The following MTRES1 variants were observed in gnomAD, a reference collection of about 807,000 sequenced individuals.
The protein encoded by MTRES1 is mitochondrial transcription rescue factor 1.
MTRES1 carries 11 observed loss-of-function variants against 17.4 expected under a neutral mutation model. The ratio of observed to expected loss-of-function variants is 0.63; its 90% CI spans 0.40 to 1.05. The LOEUF is 1.05. MTRES1 is among the 50% of genes least tolerant of loss of function. MTRES1 has a pLI of 0.00. For synonymous variants in MTRES1, 94 were observed against 99.6 expected (o/e 0.94, Z 0.34); for missense variants, 268 against 276.2 (o/e 0.97, Z 0.21).
chr6:107,033,313 A>T (rs1296549983), intron 1 of MTRES1, among the ~76,000 whole-genome samples: 1 of 151,858 alleles, frequency 6.6e-6, no homozygotes, highest in African/African-American at 2.4e-5. Context: ...TTGGTAGAGG[A>T]GGATGTGACT....
intron 1 of MTRES1, among the ~76,000 whole-genome samples, chr6:107,031,395 A>AG (rs1214654740): frequency 5.4e-5 from 8 of 148,118 alleles, no homozygotes; most frequent in African/African-American, 1.2e-4. Flanking sequence ...CAAAAAAAAA[A>AG]AAAAGAAAAA....
intron 1 of MTRES1, among the ~76,000 whole-genome samples, chr6:107,039,421 G>C (rs533460506): frequency 6.6e-6 from 1 of 152,062 alleles, no homozygotes; most frequent in Non-Finnish European, 1.5e-5. Context: ...CTGGGTTCAA[G>C]TGATTCTCCT....
intron 1 of MTRES1, 99 bp from the exon 2 acceptor site, chr6:107,039,650 A>G: frequency 7.8e-7 from 1 of 1,277,284 alleles, no homozygotes; most frequent in Non-Finnish European, 1.1e-6. Context: ...GAATACGTAT[A>G]GTACTGTACA....
chr6:107,047,840 C>T (rs1774442235), intron 3 of MTRES1, among the ~76,000 whole-genome samples: 1 of 151,848 alleles, frequency 6.6e-6, no homozygotes, highest in Admixed American at 6.6e-5. Context: ...GAGCCAAGAT[C>T]GCGCCATTGC....
chr6:107,043,797 G>A (rs1177728732), intron 2 of MTRES1, among the ~76,000 whole-genome samples: 1 of 152,104 alleles, frequency 6.6e-6, no homozygotes, highest in Non-Finnish European at 1.5e-5. Context: ...ATTGTTTTGA[G>A]TATATTTCTA....
chr6:107,048,334 C>T (rs1554228670), intron 3 of MTRES1, among the ~76,000 whole-genome samples: 1 of 151,858 alleles, frequency 6.6e-6, no homozygotes, highest in African/African-American at 2.4e-5. Context: ...GGGGTTTCGC[C>T]ATGTTGGCCA....
chr6:107,037,106 T>C (rs1554227030), intron 1 of MTRES1, among the ~76,000 whole-genome samples: 1 of 151,982 alleles, frequency 6.6e-6, no homozygotes. Flanking sequence ...AAAGTTTTTT[T>C]AATTGTACTA....
chr6:107,036,245 TAAA>T (rs1238016696), intron 1 of MTRES1, among the ~76,000 whole-genome samples: 5 of 152,064 alleles, frequency 3.3e-5, no homozygotes, highest in Admixed American at 1.3e-4. Flanking sequence ...TTATTCATCT[TAAA>T]GAAGTTTAAT....
chr6:107,030,684 A>C (rs1182897441), intron 1 of MTRES1, among the ~76,000 whole-genome samples: 1 of 152,176 alleles, frequency 6.6e-6, no homozygotes, highest in Non-Finnish European at 1.5e-5. Flanking sequence ...CGCCGCCCAG[A>C]AAAAAAGCAG....
At chr6:107,039,092 G>C (rs1774100419) in intron 1 of MTRES1, among the ~76,000 whole-genome samples, 1 of 152,022 alleles carries the variant, frequency 6.6e-6, no homozygotes, top group Non-Finnish European at 1.5e-5. Flanking sequence ...AAACATAATT[G>C]AGAACTATTG....
At chr6:107,048,369 G>A (rs59441900) in intron 3 of MTRES1, among the ~76,000 whole-genome samples, 5 of 151,738 alleles carry the variant, frequency 3.3e-5, no homozygotes, top group Non-Finnish European at 4.4e-5. Flanking sequence ...TCCTGACCTC[G>A]TGATCCACCC....
chr6:107,046,958 G>GTATT (rs1774414795), intron 3 of MTRES1, among the ~76,000 whole-genome samples: 1 of 148,694 alleles, frequency 6.7e-6, no homozygotes, highest in Admixed American at 6.7e-5. Flanking sequence ...GTGTGTGTGT[G>GTATT]TGTGTGTGTG....
At chr6:107,029,459 T>C (rs1247059872) in intron 1 of MTRES1, among the ~76,000 whole-genome samples, 5 of 151,020 alleles carry the variant, frequency 3.3e-5, no homozygotes, top group African/African-American at 1.2e-4. Context: ...AGTGCTGGGA[T>C]TACAGGCGTG....
At chr6:107,048,778 CAAAAA>C (rs10599769) in intron 3 of MTRES1, among the ~76,000 whole-genome samples, 3 of 112,892 alleles carry the variant, frequency 2.7e-5, no homozygotes, top group Admixed American at 9.7e-5. Flanking sequence ...GACTCCATGT[CAAAAA>C]AAAAAAAAAA....
intron 1 of MTRES1, among the ~76,000 whole-genome samples, chr6:107,032,961 T>C (rs1229283979): frequency 6.6e-6 from 1 of 152,162 alleles, no homozygotes; most frequent in Non-Finnish European, 1.5e-5. Context: ...TGGCAGTCAG[T>C]TTACTTGTCC....
At chr6:107,033,541 G>A (rs1243838412) in intron 1 of MTRES1, among the ~76,000 whole-genome samples, 1 of 152,070 alleles carries the variant, frequency 6.6e-6, no homozygotes, top group Non-Finnish European at 1.5e-5. Flanking sequence ...AGGCAGGGCC[G>A]GGCACGGTGG....
chr6:107,047,348 G>A (rs964492403), intron 3 of MTRES1, among the ~76,000 whole-genome samples: 5 of 151,700 alleles, frequency 3.3e-5, no homozygotes, highest in South Asian at 2.1e-4. Context: ...TCAGCCTCCC[G>A]AGTAGCTGGT....
At position 107,031,897 on chromosome 6, in the gene MTRES1, G is replaced by A. The variant is rs190053966; in HGVS notation, c.-13+3626G>A. On this transcript the variant is annotated intron_variant, in intron 1 of 3. Coordinates refer to ENST00000311381, the MANE Select transcript of MTRES1 (RefSeq NM_016487.5). ...ATTACAGGCATGAGCCACCGTGTCCGGCCAGCAGAGGAGTCTTGAGAAGCA... is the reference window on the plus strand; with the variant it reads ...ATTACAGGCATGAGCCACCGTGTCCAGCCAGCAGAGGAGTCTTGAGAAGCA... Among the ~76,000 whole-genome samples the A allele has an allele frequency of 8.8e-3, 1,339 of 152,188 alleles. 6 individuals carry two copies. Among genetic ancestry groups the A allele is most frequent in the Middle Eastern group, 0.031 (9 of 294 alleles).
chr6:107,028,885 ACCAACG>A (rs1773727116), intron 1 of MTRES1: 10 of 985,164 alleles, frequency 1.0e-5, no homozygotes, highest in Non-Finnish European at 1.2e-5. Flanking sequence ...CTCATCCCAC[ACCAACG>A]CCAAAGAGAT....
Sources: gnomAD v4.1 joint callset for allele counts (sites outside exome capture counted in the v4.1 genomes callset) on GRCh38, gnomAD v4.1.1 for gene constraint, MANE v1.5 for transcripts, NCBI Gene and HGNC (gene_info 2026-07-23, HGNC 2026-07-21) for gene names.